Variants in TMEM108 observed in about 807,000 individuals in gnomAD.
TMEM108 encodes the protein transmembrane protein 108, also known as cancer/testis antigen 124.
Under a neutral mutation model 35.1 loss-of-function variants are expected in TMEM108, and 12 were observed. The observed-to-expected ratio is 0.34, with a 90% CI of 0.22 to 0.55. TMEM108 has a LOEUF of 0.55. Ranked by LOEUF, TMEM108 falls within the 20% of genes least tolerant of loss-of-function variation. The pLI is 0.89. For missense variants in TMEM108, 680 were observed against 753.3 expected (o/e 0.90, Z 1.14); for synonymous variants, 287 against 308.6 (o/e 0.93, Z 0.73).
At chr3:133,360,295 C>G (rs963702802) in intron 3 of TMEM108, among the ~76,000 whole-genome samples, 2 of 152,002 alleles carry the variant, frequency 1.3e-5, no homozygotes, top group Non-Finnish European at 2.9e-5. Flanking sequence ...TATACTTTTG[C>G]CAAAACTCGC....
intron 4 of TMEM108, chr3:133,387,342 G>T (rs2073167552): frequency 2.0e-6 from 2 of 985,446 alleles, no homozygotes; most frequent in African/African-American, 1.7e-5. Flanking sequence ...CTGTAGCCAG[G>T]CTGGCTTTCA....
intron 2 of TMEM108, among the ~76,000 whole-genome samples, chr3:133,058,036 G>A (rs750751331): frequency 1.3e-5 from 2 of 151,992 alleles, no homozygotes; most frequent in Non-Finnish European, 2.9e-5. Flanking sequence ...TTCATAGTTG[G>A]AGGAAGCAAG....
chr3:133,273,321 T>A (rs1442257500), intron 3 of TMEM108, among the ~76,000 whole-genome samples: 1 of 152,346 alleles, frequency 6.6e-6, no homozygotes, highest in East Asian at 1.9e-4. Flanking sequence ...GTTTTTTCCC[T>A]ACCAAGTGAA....
At chr3:133,052,172 A>C (rs1209559202) in intron 2 of TMEM108, among the ~76,000 whole-genome samples, 5 of 152,154 alleles carry the variant, frequency 3.3e-5, no homozygotes, top group Non-Finnish European at 7.4e-5. Context: ...AGAGTTTTGT[A>C]GTTTTCCTCA....
chr3:133,047,060 C>T (rs1020693128), intron 2 of TMEM108, among the ~76,000 whole-genome samples: 2 of 152,028 alleles, frequency 1.3e-5, no homozygotes, highest in Admixed American at 1.3e-4. Flanking sequence ...TCTGGAGATT[C>T]CAATAAATGT....
intron 2 of TMEM108, among the ~76,000 whole-genome samples, chr3:133,110,498 G>T (rs1389375268): frequency 6.6e-6 from 1 of 152,186 alleles, no homozygotes; most frequent in Admixed American, 6.5e-5. Flanking sequence ...TGAAAGGCAT[G>T]TTCGTGACAT....
chr3:133,204,943 T>C (rs570009742), intron 2 of TMEM108, among the ~76,000 whole-genome samples: 9 of 151,944 alleles, frequency 5.9e-5, no homozygotes, highest in Admixed American at 4.6e-4. Context: ...TCTAAGTCTC[T>C]TTGTAGGTCT....
chr3:133,266,313 C>T (rs964487663), intron 3 of TMEM108, among the ~76,000 whole-genome samples: 2 of 152,110 alleles, frequency 1.3e-5, no homozygotes, highest in Non-Finnish European at 2.9e-5. Flanking sequence ...TGAAAAGTCA[C>T]CTATAGAATT....
chr3:133,235,349 A>C (rs1022952770), intron 3 of TMEM108, among the ~76,000 whole-genome samples: 7 of 152,028 alleles, frequency 4.6e-5, no homozygotes, highest in Admixed American at 4.6e-4. Context: ...CTGACTTCAA[A>C]CTATACTACA....
At chr3:133,369,882 C>A (rs1576512800) in intron 3 of TMEM108, among the ~76,000 whole-genome samples, 1 of 152,198 alleles carries the variant, frequency 6.6e-6, no homozygotes, top group East Asian at 1.9e-4. Context: ...TCAGTTATGT[C>A]CCCTTCTAGA....
intron 3 of TMEM108, among the ~76,000 whole-genome samples, chr3:133,289,748 G>A (rs963028422): frequency 2.0e-5 from 3 of 152,036 alleles, no homozygotes; most frequent in South Asian, 2.1e-4. Flanking sequence ...TTTTTCAAAC[G>A]GCTACTAAGT....
intron 2 of TMEM108, among the ~76,000 whole-genome samples, chr3:133,119,955 A>G (rs1944332607): frequency 6.6e-6 from 1 of 152,226 alleles, no homozygotes; most frequent in Admixed American, 6.5e-5. Context: ...TGACATAAAT[A>G]GCATCACTAA....
At chr3:133,184,827 G>T (rs1343051749) in intron 2 of TMEM108, among the ~76,000 whole-genome samples, 1 of 152,176 alleles carries the variant, frequency 6.6e-6, no homozygotes, top group Non-Finnish European at 1.5e-5. Flanking sequence ...GAAAAGGAAT[G>T]AGTTAATTCA....
At chr3:133,223,691 TA>T (rs1946025691) in intron 2 of TMEM108, among the ~76,000 whole-genome samples, 1 of 152,192 alleles carries the variant, frequency 6.6e-6, no homozygotes, top group Non-Finnish European at 1.5e-5. Flanking sequence ...AAACCATCAT[TA>T]GAATAGTAAG....
chr3:133,238,634 A>G (rs907350585), intron 3 of TMEM108, among the ~76,000 whole-genome samples: 1 of 152,164 alleles, frequency 6.6e-6, no homozygotes, highest in African/African-American at 2.4e-5. Flanking sequence ...GAACAAAAGA[A>G]TTTCCCTTCA....
At chr3:133,170,902 A>G (rs780566449) in intron 2 of TMEM108, among the ~76,000 whole-genome samples, 1 of 152,210 alleles carries the variant, frequency 6.6e-6, no homozygotes, top group Non-Finnish European at 1.5e-5. Context: ...TAGAGAATCA[A>G]TAGTTAAACC....
intron 2 of TMEM108, among the ~76,000 whole-genome samples, chr3:133,141,724 A>G (rs1274921915): frequency 6.6e-6 from 1 of 152,194 alleles, no homozygotes; most frequent in Admixed American, 6.5e-5. Context: ...GGCCCAAACA[A>G]TATAAAACAA....
At chr3:133,164,532 A>C (rs1419823673) in intron 2 of TMEM108, among the ~76,000 whole-genome samples, 1 of 152,194 alleles carries the variant, frequency 6.6e-6, no homozygotes, top group Non-Finnish European at 1.5e-5. Flanking sequence ...TGAGAATCTT[A>C]GGTTTGGGAG....
intron 3 of TMEM108, among the ~76,000 whole-genome samples, chr3:133,274,903 T>C (rs906147752): frequency 2.0e-5 from 3 of 151,654 alleles, no homozygotes; most frequent in African/African-American, 7.3e-5. Flanking sequence ...TGAAGGAACT[T>C]ACCTCAGAGT....
Sources: allele counts gnomAD v4.1 joint callset (sites outside exome capture counted in the v4.1 genomes callset), GRCh38; gene constraint gnomAD v4.1.1; transcripts MANE v1.5; gene names NCBI Gene and HGNC (gene_info 2026-07-23, HGNC 2026-07-21).